The following MEF2A variants were observed in gnomAD, a reference collection of about 807,000 sequenced individuals.
MEF2A encodes myocyte-specific enhancer factor 2A.
Under a neutral mutation model 55.8 loss-of-function variants are expected in MEF2A, and 28 were observed. That is an observed-to-expected ratio of 0.50 (90% CI 0.37 to 0.69). MEF2A has a LOEUF of 0.69. MEF2A is among the 30% of genes least tolerant of loss of function. The pLI, the probability that MEF2A is intolerant of heterozygous loss-of-function variation, is 0.00. For missense variants in MEF2A, 528 were observed against 626.2 expected, an observed-to-expected ratio of 0.84 and a Z score of 1.67; for synonymous variants, 239 against 227.1, an observed-to-expected ratio of 1.05 and a Z score of -0.47.
At chr15:99,574,037 T>G (rs1223276531) in intron 1 of MEF2A, among the ~76,000 whole-genome samples, 1 of 152,192 alleles carries the variant, frequency 6.6e-6, no homozygotes, top group Non-Finnish European at 1.5e-5. Flanking sequence ...AGTTTTAGGG[T>G]TGACAGATTT....
At chr15:99,710,391 C>CAT (rs2058505071) in intron 10 of MEF2A, among the ~76,000 whole-genome samples, 1 of 152,128 alleles carries the variant, frequency 6.6e-6, no homozygotes, top group Non-Finnish European at 1.5e-5. Flanking sequence ...TACAGGCATG[C>CAT]GCCACCACGC....
At chr15:99,660,706 T>G (rs2048475334) in intron 4 of MEF2A, among the ~76,000 whole-genome samples, 1 of 152,178 alleles carries the variant, frequency 6.6e-6, no homozygotes, top group Non-Finnish European at 1.5e-5. Context: ...TTACTTATAC[T>G]AATACAGAGA....
At position 99,712,810 on chromosome 15, in the gene MEF2A, G is replaced by A; in HGVS notation, c.*39G>A. On this transcript the variant is annotated 3_prime_UTR_variant, in exon 12 of 12. Coordinates refer to ENST00000557942, the MANE Select transcript of MEF2A (RefSeq NM_001319206.4). The surrounding 1 kb of genome is among the most constrained non-coding windows in gnomAD (Gnocchi z 4.1). ...ATGTTTGTACTTTTGTGTTACTGCA[G>A]TGACCTGCCCTACATATCTAAATCG... The A allele has an allele frequency of 6.5e-7, 1 of 1,541,300 alleles. No homozygotes were observed. The highest frequency in any genetic ancestry group is 8.8e-7 in the Non-Finnish European group (1 of 1,139,750).
intron 3 of MEF2A, among the ~76,000 whole-genome samples, chr15:99,639,444 T>G (rs1220061190): frequency 6.6e-6 from 1 of 152,234 alleles, no homozygotes; most frequent in African/African-American, 2.4e-5. Flanking sequence ...ACAGCTAGTT[T>G]TAGGAATAAA....
At chr15:99,702,430 T>G (rs2057512569) in intron 8 of MEF2A, among the ~76,000 whole-genome samples, 1 of 47,914 alleles carries the variant, frequency 2.1e-5, no homozygotes, top group South Asian at 1.0e-3. Flanking sequence ...AAAATGTTTC[T>G]TTTTTTTTTT....
At position 99,695,148 on chromosome 15, in the gene MEF2A, CTTTTT is replaced by C. The variant is rs1307374504; in HGVS notation, c.858+4721_858+4725del. ...AAACCAAGATCCGAGTGCTTTCCCT[CTTTTT>C]AATTGCTCCAAAAGGTATCTGACTA... On this transcript the variant is annotated intron_variant, in intron 8 of 11. Coordinates refer to ENST00000557942, the MANE Select transcript of MEF2A (RefSeq NM_001319206.4). Among the ~76,000 whole-genome samples the C allele has an allele frequency of 6.7e-3, 1,019 of 152,236 alleles. 11 individuals carry two copies. Among genetic ancestry groups the C allele is most frequent in the African/African-American group, 0.023 (968 of 41,536 alleles).
At chr15:99,605,671 A>T (rs990171971) in intron 2 of MEF2A, among the ~76,000 whole-genome samples, 53 of 139,704 alleles carry the variant, frequency 3.8e-4, no homozygotes, top group Middle Eastern at 3.6e-3. Context: ...TTTTAGATTT[A>T]AAAAAAAAAA....
intron 1 of MEF2A, among the ~76,000 whole-genome samples, chr15:99,569,705 T>C (rs939522039): frequency 4.6e-5 from 7 of 152,224 alleles, no homozygotes; most frequent in Non-Finnish European, 1.0e-4. Context: ...TTCTGTAATC[T>C]ACCTTGAATA....
chr15:99,659,480 G>A (rs1482512048), intron 4 of MEF2A, among the ~76,000 whole-genome samples: 3 of 152,168 alleles, frequency 2.0e-5, no homozygotes, highest in Non-Finnish European at 4.4e-5. Flanking sequence ...CACATACACA[G>A]TAAACATTCT....
At chr15:99,601,168 A>AAGAG (rs1348790888) in intron 2 of MEF2A, among the ~76,000 whole-genome samples, 1 of 152,202 alleles carries the variant, frequency 6.6e-6, no homozygotes, top group Non-Finnish European at 1.5e-5. Flanking sequence ...GGGAATTTAA[A>AAGAG]AGAATATCAG....
At position 99,706,840 on chromosome 15, in the gene MEF2A, A is replaced by T; in HGVS notation, c.994A>T (p.Thr332Ser). The T allele has an allele frequency of 6.2e-7, 1 of 1,614,000 alleles. No homozygotes were observed. Among genetic ancestry groups the T allele is most frequent in the Non-Finnish European group, 8.5e-7 (1 of 1,179,868 alleles). The change falls in exon 10 of 12, where the codon ACT becomes TCT. Residue 332 changes from threonine to serine, a missense_variant. By Grantham distance (58) the Thr-to-Ser change is moderately conservative. Transcript: ENST00000557942. ...PQGLVYSAMPTAYNTDYSLTS... is the reference protein window; with the variant it reads ...PQGLVYSAMPSAYNTDYSLTS... ...AGGACTTGTGTACTCAGCAATGCCG[A>T]CTGCCTACAACACTGGTGAGCCTGC... is the stretch of plus-strand genomic sequence containing the variant.
chr15:99,601,444 A>C (rs1284698306), intron 2 of MEF2A, among the ~76,000 whole-genome samples: 3 of 151,650 alleles, frequency 2.0e-5, no homozygotes, highest in African/African-American at 7.3e-5. Context: ...GGTGAGAACT[A>C]ACATCCTTGC....
chr15:99,683,348 A>G (rs2053589842), intron 7 of MEF2A, among the ~76,000 whole-genome samples: 1 of 152,202 alleles, frequency 6.6e-6, no homozygotes, highest in Non-Finnish European at 1.5e-5. Context: ...TTTGGAGGAA[A>G]CAAGAGGAAT....
At chr15:99,641,539 C>T (rs1169688346) in intron 3 of MEF2A, among the ~76,000 whole-genome samples, 4 of 152,036 alleles carry the variant, frequency 2.6e-5, no homozygotes, top group South Asian at 2.1e-4. Context: ...CTGGCTAACA[C>T]GGTGAAACCT....
intron 7 of MEF2A, chr15:99,681,978 T>C (rs561407173): frequency 6.6e-6 from 1 of 152,358 alleles, no homozygotes; most frequent in South Asian, 2.1e-4. Context: ...AATAATCAGC[T>C]GAATGTCAAA....
At chr15:99,605,773 C>G (rs1011487578) in intron 2 of MEF2A, among the ~76,000 whole-genome samples, 2 of 151,536 alleles carry the variant, frequency 1.3e-5, no homozygotes, top group African/African-American at 4.9e-5. Context: ...GAGTTCAAGA[C>G]CAGCTTGGGC....
chr15:99,604,175 A>T (rs1400178635), intron 2 of MEF2A, among the ~76,000 whole-genome samples: 2 of 152,090 alleles, frequency 1.3e-5, no homozygotes, highest in Non-Finnish European at 2.9e-5. Context: ...TGCTGCCTAG[A>T]TTTTTTAGTT....
chr15:99,647,328 C>T (rs994509442), intron 4 of MEF2A, among the ~76,000 whole-genome samples: 1 of 149,884 alleles, frequency 6.7e-6, no homozygotes, highest in Non-Finnish European at 1.5e-5. Flanking sequence ...CTATATGTCT[C>T]ATCAAAAGTT....
At chr15:99,685,233 T>C (rs1437965189) in intron 7 of MEF2A, among the ~76,000 whole-genome samples, 1 of 152,174 alleles carries the variant, frequency 6.6e-6, no homozygotes, top group Admixed American at 6.5e-5. Context: ...CTGTGAAGAA[T>C]GATGGTGGTA....
Sources: allele counts gnomAD v4.1 joint callset (sites outside exome capture counted in the v4.1 genomes callset), GRCh38; gene constraint gnomAD v4.1.1; non-coding constraint Gnocchi (gnomAD v3.1); transcripts MANE v1.5; gene names NCBI Gene and HGNC (gene_info 2026-07-23, HGNC 2026-07-21).